The following WWOX variants were observed in gnomAD, a reference collection of about 807,000 sequenced individuals.
WWOX encodes the protein WW domain containing oxidoreductase.
Under a neutral mutation model 46.2 loss-of-function variants are expected in WWOX, and 69 were observed. That is an observed-to-expected ratio of 1.49 (90% CI 1.23 to 1.82). The LOEUF is 1.82. WWOX is among the 40% of genes most tolerant of loss of function. The pLI is 0.00. For synonymous variants in WWOX, 359 were observed against 202.6 expected, an observed-to-expected ratio of 1.77 and a Z score of -6.56; for missense variants, 919 against 542.6, an observed-to-expected ratio of 1.69 and a Z score of -6.89.
intron 8 of WWOX, among the ~76,000 whole-genome samples, chr16:78,996,598 A>C (rs568585071): frequency 6.6e-6 from 1 of 152,222 alleles, no homozygotes; most frequent in South Asian, 2.1e-4. Flanking sequence ...GTCAGTTTAC[A>C]ACAGTATTTA....
At chr16:78,917,536 G>T (rs1261981335) in intron 8 of WWOX, among the ~76,000 whole-genome samples, 1 of 151,786 alleles carries the variant, frequency 6.6e-6, no homozygotes, top group Non-Finnish European at 1.5e-5. Flanking sequence ...AAAATGGTCT[G>T]TTGGAAATTA....
At chr16:78,103,477 C>T (rs575269535) in intron 1 of WWOX, among the ~76,000 whole-genome samples, 143 of 151,990 alleles carry the variant, frequency 9.4e-4, no homozygotes, top group Non-Finnish European at 1.5e-3. Flanking sequence ...ACCTTGTGTC[C>T]GTCCCTGCTG....
chr16:78,258,209 A>T (rs1400985189), intron 5 of WWOX, among the ~76,000 whole-genome samples: 2 of 152,216 alleles, frequency 1.3e-5, no homozygotes, highest in Non-Finnish European at 2.9e-5. Context: ...TACAAAAACA[A>T]ACCAGTCATA....
At chr16:79,026,981 AAAGTT>A (rs1240700205) in intron 8 of WWOX, among the ~76,000 whole-genome samples, 1 of 151,436 alleles carries the variant, frequency 6.6e-6, no homozygotes, top group Non-Finnish European at 1.5e-5. Context: ...TAAATAAAGA[AAAGTT>A]AACACAGTGG....
rs148081251 is a variant in WWOX, at chr16:78,521,998, A to C, written c.1056+89246A>C. On this transcript the variant is annotated intron_variant, in intron 8 of 8. Transcript: ENST00000566780. ...ATTTTGCAAGTTTTCAGGAAACTGA[A>C]ATTCAGAGAGATTAAGTATTTTGCC... is the stretch of plus-strand genomic sequence containing the variant. 2.0e-5 allele frequency among the ~76,000 whole-genome samples: 3 copies of C among 152,300 alleles called. No homozygotes were observed. The East Asian group carries it at 5.8e-4, about 29-fold the overall frequency.
Position 78,718,092 on chromosome 16 carries a change from G to GT in WWOX, c.1056+285342dup. 9.3e-5 allele frequency among the ~76,000 whole-genome samples: 13 copies of GT among 139,676 alleles called. 1 individual carries two copies. The South Asian group carries it at 2.7e-3, about 29-fold the overall frequency. The allele number at this position is 139,676 out of a possible 152,430, so 91.6% of individuals were successfully genotyped here. Reference sequence around the variant, plus strand: ...GGATTTCAAACAAGGGGTTCTGGTGGTTGTATTTTTGCCTCAACGGTTATT... The same window carrying GT: ...GGATTTCAAACAAGGGGTTCTGGTGGTTTGTATTTTTGCCTCAACGGTTATT... On this transcript the variant is annotated intron_variant, in intron 8 of 8. Coordinates refer to ENST00000566780, the MANE Select transcript of WWOX (RefSeq NM_016373.4).
chr16:78,356,600 C>A (rs950280495), intron 5 of WWOX, among the ~76,000 whole-genome samples: 1 of 152,092 alleles, frequency 6.6e-6, no homozygotes. Flanking sequence ...ACAAAAGTTC[C>A]GGCTGGGCAC....
intron 8 of WWOX, chr16:79,203,078 A>G (rs538538648): frequency 6.6e-6 from 1 of 152,360 alleles, no homozygotes; most frequent in East Asian, 1.9e-4. Context: ...AATTAAAGCA[A>G]CAGCACACAC....
At chr16:78,935,773 C>G (rs376791138) in intron 8 of WWOX, among the ~76,000 whole-genome samples, 1 of 151,818 alleles carries the variant, frequency 6.6e-6, no homozygotes, top group Non-Finnish European at 1.5e-5. Context: ...ATTAGCTGGG[C>G]GTGATGGCAC....
chr16:78,650,159 TAAA>T (rs915843676), intron 8 of WWOX, among the ~76,000 whole-genome samples: 2 of 152,196 alleles, frequency 1.3e-5, no homozygotes, highest in African/African-American at 4.8e-5. Flanking sequence ...TTAAGGAAAA[TAAA>T]AAAGAGTGTT....
chr16:79,175,170 C>G (rs544208131), intron 8 of WWOX, among the ~76,000 whole-genome samples: 4 of 152,280 alleles, frequency 2.6e-5, no homozygotes, highest in Admixed American at 6.5e-5. Context: ...GCCTTAATGG[C>G]GCTAATTTTT....
At chr16:79,136,282 G>C (rs921514564) in intron 8 of WWOX, among the ~76,000 whole-genome samples, 2 of 151,352 alleles carry the variant, frequency 1.3e-5, no homozygotes, top group African/African-American at 4.9e-5. Flanking sequence ...CCAGGCTGGA[G>C]TGCAGTGGTG....
chr16:78,616,452 C>G (rs182741866), intron 8 of WWOX, among the ~76,000 whole-genome samples: 1 of 151,620 alleles, frequency 6.6e-6, no homozygotes, highest in African/African-American at 2.4e-5. Context: ...AGGCAACTCT[C>G]TGGGGTATCT....
intron 8 of WWOX, among the ~76,000 whole-genome samples, chr16:79,177,024 GC>G (rs2050813648): frequency 6.6e-6 from 1 of 152,064 alleles, no homozygotes; most frequent in Non-Finnish European, 1.5e-5. Flanking sequence ...AGCATATGTT[GC>G]TTTTATTAGG....
intron 8 of WWOX, chr16:78,551,864 G>C (rs1001686550): frequency 1.3e-5 from 2 of 152,180 alleles, no homozygotes; most frequent in African/African-American, 2.4e-5. Context: ...CCCGTTCCAG[G>C]GTTAAGTGCC....
intron 8 of WWOX, among the ~76,000 whole-genome samples, chr16:78,814,583 A>C (rs1003975925): frequency 1.3e-5 from 2 of 152,288 alleles, no homozygotes; most frequent in East Asian, 3.9e-4. Flanking sequence ...TACTTTTCCA[A>C]CCTATCCAAT....
intron 8 of WWOX, among the ~76,000 whole-genome samples, chr16:78,728,863 G>A (rs757416853): frequency 6.6e-6 from 1 of 152,160 alleles, no homozygotes; most frequent in Non-Finnish European, 1.5e-5. Flanking sequence ...TTTCCTCCTT[G>A]TTACATGGAG....
At chr16:78,125,738 A>T (rs2033334383) in intron 4 of WWOX, among the ~76,000 whole-genome samples, 1 of 152,144 alleles carries the variant, frequency 6.6e-6, no homozygotes. Flanking sequence ...TTTCTTTACC[A>T]AAACCACTTT....
chr16:78,457,974 G>A (rs2083862380), intron 8 of WWOX, among the ~76,000 whole-genome samples: 3 of 150,290 alleles, frequency 2.0e-5, no homozygotes, highest in East Asian at 3.9e-4. Flanking sequence ...GCTATCCAGA[G>A]GCTGAGGCAC....
Sources: gnomAD v4.1 joint callset for allele counts (sites outside exome capture counted in the v4.1 genomes callset) on GRCh38, gnomAD v4.1.1 for gene constraint, MANE v1.5 for transcripts, NCBI Gene and HGNC (gene_info 2026-07-23, HGNC 2026-07-21) for gene names.